The following WFDC2 variants were observed in gnomAD, a reference collection of about 807,000 sequenced individuals.
WFDC2 encodes WAP four-disulfide core domain 2, also known as WAP four-disulfide core domain protein 2.
A neutral mutation model predicts 12.5 loss-of-function variants in WFDC2; 8 were observed. The observed-to-expected ratio is 0.64, with a 90% CI of 0.37 to 1.15. The LOEUF (loss-of-function observed/expected upper bound fraction) is 1.15, where lower values mean the gene tolerates loss of function less well. Ranked by LOEUF, WFDC2 falls within the 50% of genes most tolerant of loss-of-function variation. The pLI, the probability that WFDC2 is intolerant of heterozygous loss-of-function variation, is 0.01. For missense variants in WFDC2, 166 were observed against 159.9 expected, an observed-to-expected ratio of 1.04 and a Z score of -0.21; for synonymous variants, 74 against 67.2, an observed-to-expected ratio of 1.10 and a Z score of -0.49.
chr20:45,479,899 G>A (rs561346698), intron 2 of WFDC2, 43 bp from the exon 3 acceptor site: 1 of 1,614,100 alleles, frequency 6.2e-7, no homozygotes, highest in South Asian at 1.1e-5. Context: ...TAATCTCCCT[G>A]TATCGCCTCT....
At chr20:45,476,837 T>A (rs1296101744) in intron 2 of WFDC2, among the ~76,000 whole-genome samples, 1 of 152,192 alleles carries the variant, frequency 6.6e-6, no homozygotes, top group Non-Finnish European at 1.5e-5. Flanking sequence ...TCTTTTCACA[T>A]AGTCCCATAT....
At chr20:45,471,818 G>A (rs1044339849) in intron 2 of WFDC2, among the ~76,000 whole-genome samples, 5 of 152,152 alleles carry the variant, frequency 3.3e-5, no homozygotes, top group Non-Finnish European at 2.9e-5. Flanking sequence ...CAGCCTGGAG[G>A]TTTGAATCCT....
chr20:45,479,706 G>A (rs1568971881), intron 2 of WFDC2: 1 of 1,614,030 alleles, frequency 6.2e-7, no homozygotes, highest in Admixed American at 1.7e-5. Flanking sequence ...GGCCACGAAG[G>A]CCCACTTGGG....
intron 3 of WFDC2, among the ~76,000 whole-genome samples, chr20:45,480,558 G>A (rs146276488): frequency 0.011 from 1,660 of 152,172 alleles, 15 homozygotes; most frequent in Non-Finnish European, 0.016. Context: ...CAGAGGTTGT[G>A]GTGAGCTGAG....
At chr20:45,475,025 T>C (rs569008179) in intron 2 of WFDC2, among the ~76,000 whole-genome samples, 1 of 152,222 alleles carries the variant, frequency 6.6e-6, no homozygotes, top group African/African-American at 2.4e-5. Flanking sequence ...AGTGGTGATA[T>C]CCCCTTTGTC....
chr20:45,480,388 C>CGGTG lies in WFDC2; in HGVS notation c.*1+294_*1+295insGGTG, dbSNP rs1461454916. On this transcript the variant is annotated intron_variant, in intron 3 of 3. Coordinates refer to ENST00000372676, the MANE Select transcript of WFDC2 (RefSeq NM_006103.4). ...TGGGAGGCTGAGGTGTGCGGATCAC[C>CGGTG]TGAGGTCGGGAGTTCAAGACCAGCC... 9.3e-5 allele frequency among the ~76,000 whole-genome samples: 14 copies of CGGTG among 151,262 alleles called. 1 individual carries two copies. Among genetic ancestry groups the CGGTG allele is most frequent in the African/African-American group, 3.4e-4 (14 of 41,168 alleles).
intron 2 of WFDC2, among the ~76,000 whole-genome samples, chr20:45,477,292 T>G (rs555991080): frequency 6.6e-6 from 1 of 152,348 alleles, no homozygotes; most frequent in South Asian, 2.1e-4. Context: ...TTGTGCTGGT[T>G]TCTCCCCATC....
intron 2 of WFDC2, among the ~76,000 whole-genome samples, chr20:45,476,997 G>A (rs777419977): frequency 7.3e-5 from 11 of 151,580 alleles, no homozygotes; most frequent in East Asian, 1.9e-4. Context: ...GCTTCATGAC[G>A]TTCTCGTGCT....
At chr20:45,480,530 T>C (rs1468032738) in intron 3 of WFDC2, among the ~76,000 whole-genome samples, 1 of 151,498 alleles carries the variant, frequency 6.6e-6, no homozygotes, top group Admixed American at 6.6e-5. Flanking sequence ...GGCAGGAGAA[T>C]TGCTTGAACC....
chr20:45,472,780 A>G (rs1991189024), intron 2 of WFDC2, among the ~76,000 whole-genome samples: 1 of 152,230 alleles, frequency 6.6e-6, no homozygotes, highest in African/African-American at 2.4e-5. Flanking sequence ...CTCTTCCACA[A>G]TGGTTGAACT....
chr20:45,478,910 T>C (rs1005409412), intron 2 of WFDC2, among the ~76,000 whole-genome samples: 1 of 152,236 alleles, frequency 6.6e-6, no homozygotes, highest in Non-Finnish European at 1.5e-5. Flanking sequence ...CGGTGATCTG[T>C]CAGCCACTTT....
At chr20:45,475,925 T>C (rs184928417) in intron 2 of WFDC2, among the ~76,000 whole-genome samples, 14 of 152,374 alleles carry the variant, frequency 9.2e-5, no homozygotes, top group Admixed American at 3.3e-4. Context: ...TTTACCATTG[T>C]GTAATGCCCT....
chr20:45,477,098 C>G (rs6073751), intron 2 of WFDC2, among the ~76,000 whole-genome samples: 48,870 of 151,620 alleles, frequency 0.32, 9,327 homozygotes, highest in East Asian at 0.62. Flanking sequence ...AAGGTTCTTA[C>G]CTTTCTTGCA....
At chr20:45,473,399 A>G (rs1470755187) in intron 2 of WFDC2, among the ~76,000 whole-genome samples, 1 of 152,208 alleles carries the variant, frequency 6.6e-6, no homozygotes, top group African/African-American at 2.4e-5. Flanking sequence ...TTTTCTGCAT[A>G]TGGCTAGCCA....
intron 2 of WFDC2, among the ~76,000 whole-genome samples, chr20:45,476,567 T>C (rs1287582623): frequency 6.6e-6 from 1 of 152,240 alleles, no homozygotes; most frequent in Non-Finnish European, 1.5e-5. Flanking sequence ...CCTCCCATAG[T>C]GGGTAACCCA....
chr20:45,476,727 G>C (rs1991237869), intron 2 of WFDC2, among the ~76,000 whole-genome samples: 1 of 152,136 alleles, frequency 6.6e-6, no homozygotes. Context: ...TTTCTTGCTA[G>C]GTTGGGGAAG....
chr20:45,469,881 C>T, intron 1 of WFDC2, 21 bp downstream of exon 1: 3 of 1,589,344 alleles, frequency 1.9e-6, no homozygotes, highest in Admixed American at 1.8e-5. Flanking sequence ...CGGGGAGAGG[C>T]CCGGCGCCTA....
chr20:45,470,647 A>G lies in WFDC2; in HGVS notation c.223+115A>G. 7.2e-7 allele frequency: 1 copy of G among 1,389,182 alleles called. No individual in the cohort carries two copies. Among genetic ancestry groups the G allele is most frequent in the South Asian group, 1.5e-5 (1 of 68,178 alleles). 86.1% of individuals were successfully genotyped at this position (1,389,182 alleles called of 1,614,324 possible). A position where few individuals can be genotyped will look rare whatever the true frequency, so the allele number is the denominator to read the frequency against. Reference sequence around the variant, plus strand: ...CCCCGGACCCGGGGACCCCCGGGAAAGTCAAGGCGGTTGAAACCAGATCCG... The same window carrying G: ...CCCCGGACCCGGGGACCCCCGGGAAGGTCAAGGCGGTTGAAACCAGATCCG... On this transcript the variant is annotated intron_variant, in intron 2 of 3. Coordinates refer to ENST00000372676, the MANE Select transcript of WFDC2 (RefSeq NM_006103.4). This position sits in a 1 kb window ranked among gnomAD's most constrained non-coding sequence, Gnocchi z 5.4.
Position 45,469,870 on chromosome 20 carries a change from G to T in WFDC2, c.79+10G>T. ...TTCACCCTAGTCTCAGGTGAGTGGGGCGGGGAGAGGCCCGGCGCCTAGAGG... is the reference window on the plus strand; with the variant it reads ...TTCACCCTAGTCTCAGGTGAGTGGGTCGGGGAGAGGCCCGGCGCCTAGAGG... On this transcript the variant is annotated intron_variant, in intron 1 of 3. Transcript: ENST00000372676. 6.2e-7 allele frequency: 1 copy of T among 1,600,326 alleles called. No individual in the cohort carries two copies. The highest frequency in any genetic ancestry group is 2.3e-5 in the East Asian group (1 of 44,398).
Sources: gnomAD v4.1 joint callset for allele counts (sites outside exome capture counted in the v4.1 genomes callset) on GRCh38, gnomAD v4.1.1 for gene constraint, Gnocchi (gnomAD v3.1) non-coding constraint, MANE v1.5 for transcripts, NCBI Gene and HGNC (gene_info 2026-07-23, HGNC 2026-07-21) for gene names.